POLA1: variants seen among roughly 807,000 people sequenced by gnomAD.
POLA1 encodes the protein DNA polymerase alpha 1, catalytic subunit.
POLA1 carries 15 observed loss-of-function variants against 124.0 expected under a neutral mutation model. The ratio of observed to expected loss-of-function variants is 0.12; its 90% CI spans 0.08 to 0.19. The LOEUF is 0.19. Ranked by LOEUF, POLA1 falls within the 10% of genes least tolerant of loss-of-function variation. POLA1 has a pLI of 1.00. For missense variants in POLA1, 886 were observed against 1,103.4 expected (o/e 0.80, Z 2.79); for synonymous variants, 408 against 389.4 (o/e 1.05, Z -0.56).
At chrX:24,958,364 T>C (rs192979498) in intron 36 of POLA1, among the ~76,000 whole-genome samples, 2 of 112,016 alleles carry the variant, frequency 1.8e-5, no homozygotes, top group African/African-American at 6.5e-5. Context: ...CACAGCAGGG[T>C]CCTTAGTGAC....
intron 36 of POLA1, among the ~76,000 whole-genome samples, chrX:24,951,590 C>T (rs1055864801): frequency 9.0e-6 from 1 of 110,860 alleles, no homozygotes; most frequent in Non-Finnish European, 1.9e-5. Flanking sequence ...ATTGTCACTG[C>T]AGTGACAGGT....
intron 35 of POLA1, 23 bp downstream of exon 35, chrX:24,888,145 G>C (rs750729739): frequency 3.6e-5 from 35 of 980,115 alleles, no homozygotes; most frequent in Non-Finnish European, 4.8e-5. Context: ...TAATGCTAAA[G>C]AACCATGTAG....
intron 36 of POLA1, among the ~76,000 whole-genome samples, chrX:24,956,198 C>T (rs1377998141): frequency 1.8e-5 from 2 of 109,642 alleles, no homozygotes; most frequent in Admixed American, 2.0e-4. Flanking sequence ...GGCTGAGAGG[C>T]AAGAGGATCA....
At chrX:24,923,593 A>G (rs1402507217) in intron 35 of POLA1, among the ~76,000 whole-genome samples, 1 of 112,315 alleles carries the variant, frequency 8.9e-6, no homozygotes, top group Non-Finnish European at 1.9e-5. Flanking sequence ...GGACATACTG[A>G]ATCAGATGAT....
chrX:24,996,954 T>G lies in POLA1; in HGVS notation c.*1004T>G, dbSNP rs1472118597. 9.0e-6 allele frequency: 1 copy of G among 111,621 alleles called. No individual in the cohort carries two copies. The highest frequency in any genetic ancestry group is 9.5e-5 in the Admixed American group (1 of 10,482). The allele number at this position is 111,621 out of a possible 1,213,427, so 9.2% of individuals were successfully genotyped here. On this transcript the variant is annotated 3_prime_UTR_variant, in exon 37 of 37. Transcript: ENST00000379068. Reference sequence around the variant, plus strand: ...TATAAAAGAAAAAGTATGTTGTGCCTTCTTCTTAAGAATAAAGTTTTCTAA... The same window carrying G: ...TATAAAAGAAAAAGTATGTTGTGCCGTCTTCTTAAGAATAAAGTTTTCTAA...
At chrX:24,738,907 A>G (rs963850658) in intron 19 of POLA1, among the ~76,000 whole-genome samples, 1 of 111,514 alleles carries the variant, frequency 9.0e-6, no homozygotes, top group African/African-American at 3.3e-5. Flanking sequence ...TTCTTTTCTT[A>G]TTCATATCTT....
chrX:24,716,800 T>A, intron 7 of POLA1, 84 bp from the exon 8 acceptor site: 2 of 510,080 alleles, frequency 3.9e-6, no homozygotes, highest in Admixed American at 7.4e-5. Flanking sequence ...AAAAGGGAAC[T>A]GTCATTATCT....
chrX:24,790,386 T>C (rs1459233138), intron 26 of POLA1, among the ~76,000 whole-genome samples: 1 of 112,355 alleles, frequency 8.9e-6, no homozygotes, highest in African/African-American at 3.2e-5. Flanking sequence ...GGATCCATTT[T>C]CTTTTTCATT....
At chrX:24,712,555 A>T (rs1009077158) in intron 4 of POLA1, among the ~76,000 whole-genome samples, 2 of 110,941 alleles carry the variant, frequency 1.8e-5, no homozygotes, top group African/African-American at 3.3e-5. Context: ...TATTGCACAA[A>T]TTTTTTCTTC....
At chrX:24,876,223 G>A (rs893205518) in intron 34 of POLA1, among the ~76,000 whole-genome samples, 2 of 112,017 alleles carry the variant, frequency 1.8e-5, no homozygotes, top group African/African-American at 3.2e-5. Context: ...CAAATAGCAA[G>A]CATATGCATT....
chrX:24,891,183 TG>T (rs2047139120), intron 35 of POLA1, among the ~76,000 whole-genome samples: 1 of 112,098 alleles, frequency 8.9e-6, no homozygotes, highest in African/African-American at 3.2e-5. Context: ...CAAAGTGACT[TG>T]TTTTTTTCTT....
chrX:24,696,823 C>T (rs756702935), intron 1 of POLA1, among the ~76,000 whole-genome samples: 1 of 112,038 alleles, frequency 8.9e-6, no homozygotes, highest in African/African-American at 3.2e-5. Flanking sequence ...CCTACTCACT[C>T]TACACTCCCT....
At position 24,801,920 on chromosome X, in the gene POLA1, G is replaced by GTGTGTGTGTGT. The variant is rs1569317038; in HGVS notation, c.2965-7978_2965-7977insTGTGTGTGTGT. On this transcript the variant is annotated intron_variant, in intron 26 of 36. Coordinates refer to ENST00000379068, the MANE Select transcript of POLA1 (RefSeq NM_001330360.2). ...AGAAACAGAGCCACTAGGAGAGGTG[G>GTGTGTGTGTGT]GTGGGTGTGTGTGTGTGTGTGTGTG... 3.9e-3 allele frequency among the ~76,000 whole-genome samples: 186 copies of GTGTGTGTGTGT among 47,488 alleles called. 3 individuals are homozygous for GTGTGTGTGTGT. The highest frequency in any genetic ancestry group is 0.019 in the African/African-American group (176 of 9,267). The allele number at this position is 47,488 out of a possible 115,157, so 41.2% of individuals were successfully genotyped here.
intron 4 of POLA1, among the ~76,000 whole-genome samples, chrX:24,707,579 C>T (rs1434705378): frequency 8.9e-6 from 1 of 112,191 alleles, no homozygotes; most frequent in Admixed American, 9.4e-5. Context: ...GTCACAAGAT[C>T]CTAGGAAGGA....
chrX:24,859,900 C>G (rs1264787640), intron 34 of POLA1, among the ~76,000 whole-genome samples: 2 of 112,748 alleles, frequency 1.8e-5, no homozygotes, highest in Admixed American at 1.9e-4. Context: ...CTCTTGCTGT[C>G]TAAACTTCAA....
At chrX:24,755,216 A>G (rs1368936420) in intron 26 of POLA1, among the ~76,000 whole-genome samples, 11 of 112,480 alleles carry the variant, frequency 9.8e-5, no homozygotes, top group African/African-American at 3.6e-4. Context: ...TCACAGTGTC[A>G]GAGGCTAATC....
At chrX:24,750,230 GAAA>G (rs1305464997) in intron 26 of POLA1, among the ~76,000 whole-genome samples, 1 of 111,707 alleles carries the variant, frequency 9.0e-6, no homozygotes, top group Non-Finnish European at 1.9e-5. Flanking sequence ...GTCTTTTTTA[GAAA>G]AAAAGTTTGC....
chrX:24,773,620 TTAAA>T (rs1251480348), intron 26 of POLA1, among the ~76,000 whole-genome samples: 3 of 112,054 alleles, frequency 2.7e-5, no homozygotes, highest in African/African-American at 9.7e-5. Context: ...GTTGGGAAGA[TTAAA>T]TAAGTTATTA....
chrX:24,914,043 A>AT (rs2047493144), intron 35 of POLA1, among the ~76,000 whole-genome samples: 1 of 109,310 alleles, frequency 9.1e-6, no homozygotes, highest in Non-Finnish European at 1.9e-5. Context: ...AATAATAATA[A>AT]TTTTTTAAAA....
Sources: gnomAD v4.1 joint callset for allele counts (sites outside exome capture counted in the v4.1 genomes callset) on GRCh38, gnomAD v4.1.1 for gene constraint, MANE v1.5 for transcripts, NCBI Gene and HGNC (gene_info 2026-07-23, HGNC 2026-07-21) for gene names.